OTULIN: variants seen among roughly 807,000 people sequenced by gnomAD.
OTULIN encodes OTU deubiquitinase with linear linkage specificity.
A neutral mutation model predicts 39.6 loss-of-function variants in OTULIN; 15 were observed. That is an observed-to-expected ratio of 0.38 (90% confidence interval 0.25 to 0.58). The LOEUF is 0.58. Ranked by LOEUF, OTULIN falls within the 20% of genes least tolerant of loss-of-function variation. The pLI is 0.66. For synonymous variants in OTULIN, 156 were observed against 170.3 expected (o/e 0.92, Z 0.65); for missense variants, 319 against 445.9 (o/e 0.72, Z 2.56).
At chr5:14,712,882 G>C in the OTULIN span, 1 of 1,609,528 alleles carries the variant, frequency 6.2e-7, no homozygotes. Context: ...ACCTGCTTCC[G>C]GTAGACATAG....
chr5:14,712,451 C>T, the OTULIN span, among the ~76,000 whole-genome samples: 517 of 152,378 alleles, frequency 3.4e-3, no homozygotes, highest in African/African-American at 0.012. Context: ...CCGCCCATGA[C>T]CAGAGAGGCT....
At chr5:14,677,274 T>C (rs1387004766) in intron 2 of OTULIN, among the ~76,000 whole-genome samples, 3 of 152,216 alleles carry the variant, frequency 2.0e-5, no homozygotes. Flanking sequence ...CCCTTGAGGA[T>C]AGAATCCTGT....
At chr5:14,671,754 C>G (rs1735983509) in intron 1 of OTULIN, among the ~76,000 whole-genome samples, 2 of 152,002 alleles carry the variant, frequency 1.3e-5, no homozygotes, top group Admixed American at 6.6e-5. Flanking sequence ...CACAGTTACA[C>G]ATTTAGAGAG....
the OTULIN span, among the ~76,000 whole-genome samples, chr5:14,714,238 C>T: frequency 3.3e-5 from 5 of 152,218 alleles, no homozygotes; most frequent in Admixed American, 6.5e-5. Flanking sequence ...TGTGGGCCCT[C>T]GTTGGTGTGC....
intron 4 of OTULIN, among the ~76,000 whole-genome samples, chr5:14,684,559 G>A (rs1736337887): frequency 6.6e-6 from 1 of 152,156 alleles, no homozygotes. Context: ...GGCCCCCCTG[G>A]CCCCACAGCC....
intron 1 of OTULIN, among the ~76,000 whole-genome samples, chr5:14,669,127 G>A (rs1268627430): frequency 1.3e-5 from 2 of 150,554 alleles, no homozygotes; most frequent in Non-Finnish European, 3.0e-5. Flanking sequence ...ACTTTTGGAG[G>A]CTGAGGCAGG....
intron 2 of OTULIN, among the ~76,000 whole-genome samples, chr5:14,676,329 C>T (rs2126819441): frequency 6.6e-6 from 1 of 152,304 alleles, no homozygotes; most frequent in East Asian, 1.9e-4. Flanking sequence ...AAGAAAGTTG[C>T]TTTTGAACTC....
chr5:14,666,055 C>A (rs999520533), intron 1 of OTULIN, among the ~76,000 whole-genome samples: 1 of 152,192 alleles, frequency 6.6e-6, no homozygotes, highest in Admixed American at 6.5e-5. Context: ...TCTCTTGCCC[C>A]CAAGCCCTGC....
chr5:14,664,954 C>A lies in OTULIN; in HGVS notation c.129C>A (p.Pro43=). 4.5e-6 allele frequency: 5 copies of A among 1,110,496 alleles called. No homozygotes were observed. Among genetic ancestry groups the A allele is most frequent in the Non-Finnish European group, 3.3e-6 (3 of 911,190 alleles). 68.8% of individuals were successfully genotyped at this position (1,110,496 alleles called of 1,614,324 possible). A position where few individuals can be genotyped will look rare whatever the true frequency, so the allele number is the denominator to read the frequency against. Residue 43 remains proline, a synonymous_variant, in exon 1 of 7, where the codon CCC becomes CCA. Coordinates refer to ENST00000284274, the MANE Select transcript of OTULIN (RefSeq NM_138348.6). ...CGGCGGCCAGCGGGCAGCCGCGGCC[C>A]GAGATGCAGTGCCCGGCCGAGCAGT... The part of the protein sequence containing the change: ...GKAAASGQPR[P]EMQCPAEHEE...
At chr5:14,691,011 G>A (rs1736511672) in intron 6 of OTULIN, among the ~76,000 whole-genome samples, 1 of 152,212 alleles carries the variant, frequency 6.6e-6, no homozygotes, top group African/African-American at 2.4e-5. Flanking sequence ...ACCTTAGCCA[G>A]TAGAGTTCAG....
chr5:14,666,822 A>G (rs1468437894), intron 1 of OTULIN, among the ~76,000 whole-genome samples: 1 of 152,190 alleles, frequency 6.6e-6, no homozygotes, highest in Non-Finnish European at 1.5e-5. Flanking sequence ...ACTCGGCAGT[A>G]TCTGGGTAGT....
intron 2 of OTULIN, among the ~76,000 whole-genome samples, chr5:14,674,476 C>CTT: frequency 6.6e-6 from 1 of 152,194 alleles, no homozygotes; most frequent in Non-Finnish European, 1.5e-5. Flanking sequence ...AGATAGAAGG[C>CTT]TGGGTGTGGT....
At chr5:14,710,545 A>G in the OTULIN span, 4 of 155,192 alleles carry the variant, frequency 2.6e-5, no homozygotes, top group Non-Finnish European at 5.7e-5. Context: ...TTTCAAACCA[A>G]ACCTTTCTAC....
At chr5:14,709,793 T>C in the OTULIN span, 3 of 152,642 alleles carry the variant, frequency 2.0e-5, no homozygotes, top group Non-Finnish European at 2.9e-5. Flanking sequence ...TGCAGGTATG[T>C]TGAGCACACA....
In OTULIN at chr5:14,690,253, G is replaced by A. The variant is rs1736491215; in HGVS notation, c.809G>A (p.Gly270Glu). ...GCTCGGGACACATCAAATGACCCAG[G>A]ACAGCTTCTGAGGAACCACCTCAAC... ...LFARDTSNDPGQLLRNHLNQV... is the reference protein window; with the variant it reads ...LFARDTSNDPEQLLRNHLNQV... The change falls in exon 6 of 7, where the codon GGA (glycine) becomes GAA (glutamate). Residue 270 changes from glycine (G) to glutamate (E), a missense_variant. By Grantham distance (98) the Gly-to-Glu change is moderately conservative. Coordinates refer to ENST00000284274, the MANE Select transcript of OTULIN (RefSeq NM_138348.6). The surrounding 1 kb of genome is among the most constrained non-coding windows in gnomAD (Gnocchi z 4.5). 3 of 1,614,050 alleles carry A rather than the reference G, an allele frequency of 1.9e-6. No homozygotes were observed. Among genetic ancestry groups the A allele is most frequent in the Admixed American group, 1.7e-5 (1 of 60,008 alleles).
chr5:14,668,734 TTC>T (rs1338439209), intron 1 of OTULIN, among the ~76,000 whole-genome samples: 1 of 152,234 alleles, frequency 6.6e-6, no homozygotes, highest in African/African-American at 2.4e-5. Context: ...GTGATTAAAA[TTC>T]TGTCTTGTTA....
At chr5:14,681,657 T>C in intron 4 of OTULIN, 50 bp downstream of exon 4, 1 of 1,561,486 alleles carries the variant, frequency 6.4e-7, no homozygotes, top group African/African-American at 1.4e-5. Context: ...ACAATTTTTG[T>C]GAGAAAACTT....
chr5:14,703,808 T>C (rs979822867), downstream of OTULIN, among the ~76,000 whole-genome samples: 2 of 151,856 alleles, frequency 1.3e-5, no homozygotes, highest in Non-Finnish European at 2.9e-5. Flanking sequence ...AAAAACATGG[T>C]TGGTGTTAGA....
the OTULIN span, among the ~76,000 whole-genome samples, chr5:14,713,294 C>T: frequency 6.6e-6 from 1 of 152,164 alleles, no homozygotes; most frequent in Non-Finnish European, 1.5e-5. This position sits in a 1 kb window ranked among gnomAD's most constrained non-coding sequence, Gnocchi z 4.4. Context: ...CAAGCCCGTG[C>T]AGGGCCGGCC....
Sources: gnomAD v4.1 joint callset for allele counts (sites outside exome capture counted in the v4.1 genomes callset) on GRCh38, gnomAD v4.1.1 for gene constraint, Gnocchi (gnomAD v3.1) non-coding constraint, MANE v1.5 for transcripts, NCBI Gene and HGNC (gene_info 2026-07-23, HGNC 2026-07-21) for gene names.